Variants in RCAN3 observed in about 807,000 individuals in gnomAD.
The protein encoded by RCAN3 is calcipressin-3.
In RCAN3, 19 loss-of-function variants were observed where a neutral mutation model predicts 21.9. The observed-to-expected ratio is 0.87, with a 90% confidence interval of 0.61 to 1.27. The LOEUF (loss-of-function observed/expected upper bound fraction) is 1.27. RCAN3 is among the 50% of genes most tolerant of loss of function. The pLI is 0.00. For synonymous variants in RCAN3, 114 were observed against 112.3 expected (o/e 1.01, Z -0.09); for missense variants, 240 against 300.1 (o/e 0.80, Z 1.48).
At position 24,531,216 on chromosome 1, in the gene RCAN3, A is replaced by G; in HGVS notation, c.196-2A>G. The G allele has an allele frequency of 6.7e-7, 1 of 1,500,082 alleles. No individual in the cohort carries two copies. The highest frequency in any genetic ancestry group is 9.0e-7 in the Non-Finnish European group (1 of 1,115,978). The allele number at this position is 1,500,082 out of a possible 1,614,324, so 92.9% of individuals were successfully genotyped here. On this transcript the variant is annotated splice_acceptor_variant, in intron 2 of 4. Transcript: ENST00000374395. LOFTEE classifies it high-confidence loss of function. ...CTTTGCCTTGCTGCTCCTTAATTGT[A>G]GGAAAGATTTGAAGCACTCTTCACC...
intron 2 of RCAN3, among the ~76,000 whole-genome samples, chr1:24,530,356 C>CAAAAAAAAAAAAAAAAAAAAAAAAAAA (rs56914359): frequency 1.2e-5 from 1 of 81,498 alleles, no homozygotes; most frequent in Non-Finnish European, 2.4e-5. Context: ...CTCTTATCTC[C>CAAAAAAAAAAAAAAAAAAAAAAAAAAA]AAAAAAAAAA....
intron 1 of RCAN3, among the ~76,000 whole-genome samples, chr1:24,505,782 A>G (rs530052193): frequency 6.6e-6 from 1 of 152,312 alleles, no homozygotes; most frequent in Non-Finnish European, 1.5e-5. Context: ...AAAAGTGAAA[A>G]GTACATCTAG....
Position 24,502,891 on chromosome 1 carries a change from C to G in RCAN3, c.-319C>G, listed in dbSNP as rs1557560071. 6.7e-6 allele frequency: 1 copy of G among 150,302 alleles called. No homozygotes were observed. The highest frequency in any genetic ancestry group is 2.4e-5 in the African/African-American group (1 of 41,246). 9.3% of individuals were successfully genotyped at this position (150,302 alleles called of 1,614,324 possible). Reference sequence around the variant, plus strand: ...CGCCGGCAGCCTAGCTCAGCCGGGACACCGCCCTAGTCCCAGCCCAGGGGG... The same window carrying G: ...CGCCGGCAGCCTAGCTCAGCCGGGAGACCGCCCTAGTCCCAGCCCAGGGGG... On this transcript the variant is annotated 5_prime_UTR_variant, in exon 1 of 5. Coordinates refer to ENST00000374395, the MANE Select transcript of RCAN3 (RefSeq NM_013441.4).
At position 24,540,161 on chromosome 1, in the gene RCAN3, A is replaced by G. The variant is rs1650425796; in HGVS notation, c.*4884A>G. ...CTGTTTTCTTATTACCAAATGTACA[A>G]TCCATAAGACAACTGAAAGCAACAA... On this transcript the variant is annotated 3_prime_UTR_variant, in exon 5 of 5. Coordinates refer to ENST00000374395, the MANE Select transcript of RCAN3 (RefSeq NM_013441.4). The G allele has an allele frequency of 6.6e-6, 1 of 152,224 alleles. No individual in the cohort carries two copies. The highest frequency in any genetic ancestry group is 6.5e-5 in the Admixed American group (1 of 15,290). 9.4% of individuals were successfully genotyped at this position (152,224 alleles called of 1,614,324 possible). A position where few individuals can be genotyped will look rare whatever the true frequency, so the allele number is the denominator to read the frequency against.
At chr1:24,515,968 C>T (rs1648284676) in intron 2 of RCAN3, among the ~76,000 whole-genome samples, 1 of 152,076 alleles carries the variant, frequency 6.6e-6, no homozygotes. Flanking sequence ...CATGGTGAAA[C>T]CCCGTTTCTA....
intron 2 of RCAN3, among the ~76,000 whole-genome samples, chr1:24,523,603 TACACACACACAC>T (rs71577716): frequency 2.4e-4 from 34 of 140,846 alleles, no homozygotes; most frequent in East Asian, 1.2e-3. Context: ...TTATTTCTAA[TACACACACACAC>T]ACACACACAC....
chr1:24,519,658 C>T (rs1648635493), intron 2 of RCAN3, among the ~76,000 whole-genome samples: 1 of 152,186 alleles, frequency 6.6e-6, no homozygotes, highest in South Asian at 2.1e-4. Context: ...ATTAAGACAT[C>T]ACTACTTGTT....
chr1:24,533,477 A>C (rs1649964450), intron 4 of RCAN3, among the ~76,000 whole-genome samples: 1 of 152,148 alleles, frequency 6.6e-6, no homozygotes, highest in Admixed American at 6.5e-5. Context: ...AGCAGGGAGA[A>C]TCATATGCAC....
intron 1 of RCAN3, among the ~76,000 whole-genome samples, chr1:24,511,404 C>T (rs1191495342): frequency 6.6e-6 from 1 of 152,090 alleles, no homozygotes; most frequent in Non-Finnish European, 1.5e-5. Flanking sequence ...ATTAAGAACA[C>T]CCACGACGTG....
At chr1:24,530,356 C>CAAGAAAATAAA (rs1649654699) in intron 2 of RCAN3, among the ~76,000 whole-genome samples, 1 of 81,518 alleles carries the variant, frequency 1.2e-5, no homozygotes, top group Non-Finnish European at 2.4e-5. Context: ...CTCTTATCTC[C>CAAGAAAATAAA]AAAAAAAAAA....
intron 1 of RCAN3, chr1:24,507,446 G>T (rs196398): frequency 0.56 from 85,251 of 152,104 alleles, 25,045 homozygotes; most frequent in East Asian, 0.76. Flanking sequence ...ACTACCTGCT[G>T]TTATTCAGCC....
intron 1 of RCAN3, among the ~76,000 whole-genome samples, chr1:24,503,509 G>T (rs1647234318): frequency 6.6e-6 from 1 of 152,308 alleles, no homozygotes; most frequent in East Asian, 1.9e-4. Context: ...GTGTAGGGGC[G>T]CCTGGAAGGT....
At chr1:24,516,194 G>A (rs1031822865) in intron 2 of RCAN3, among the ~76,000 whole-genome samples, 1 of 152,168 alleles carries the variant, frequency 6.6e-6, no homozygotes, top group Non-Finnish European at 1.5e-5. Context: ...GCCAGGCGCA[G>A]TGGCTCTCGC....
In RCAN3 at chr1:24,524,949, T is replaced by C. The variant is rs1649145817; in HGVS notation, c.196-6269T>C. ...GGTTCAAGCAATTCTCGTGCATCAG[T>C]CTCCCGTCCTCCCACTCTTTAATGT... On this transcript the variant is annotated intron_variant, in intron 2 of 4. Transcript: ENST00000374395. Among the ~76,000 whole-genome samples, 3 of 151,126 alleles carry C rather than the reference T, an allele frequency of 2.0e-5. No individual in the cohort carries two copies. In the Admixed American group the frequency reaches 2.0e-4, roughly 10 times the overall value.
At chr1:24,510,797 G>A (rs1647812033) in intron 1 of RCAN3, among the ~76,000 whole-genome samples, 1 of 152,190 alleles carries the variant, frequency 6.6e-6, no homozygotes, top group Admixed American at 6.5e-5. Flanking sequence ...GGCCTCTGGG[G>A]ACGTATCTTC....
chr1:24,512,990 C>A (rs996439776), intron 1 of RCAN3, among the ~76,000 whole-genome samples: 2 of 152,172 alleles, frequency 1.3e-5, no homozygotes, highest in Non-Finnish European at 1.5e-5. Flanking sequence ...GTAATCCCAG[C>A]GCTTTAGGAG....
intron 2 of RCAN3, among the ~76,000 whole-genome samples, chr1:24,521,471 GT>G (rs1469348955): frequency 3.9e-5 from 6 of 152,138 alleles, no homozygotes; most frequent in African/African-American, 1.4e-4. Flanking sequence ...AGAAGATGCA[GT>G]AGCATCTTCA....
At chr1:24,514,681 C>T in intron 2 of RCAN3, 114 bp downstream of exon 2, 1 of 1,071,530 alleles carries the variant, frequency 9.3e-7, no homozygotes, top group Non-Finnish European at 1.3e-6. Flanking sequence ...TGTATGTCCA[C>T]TTTTAGGCCG....
rs190773962 is a variant in RCAN3, at chr1:24,504,622, G to A, written c.-60+1472G>A. ...ATTTTATATGGTGTTAGAGTTGTTG[G>A]TTGAAGGACTTAAAGCATGAAAAAT... is the stretch of plus-strand genomic sequence containing the variant. On this transcript the variant is annotated intron_variant, in intron 1 of 4. Coordinates refer to ENST00000374395, the MANE Select transcript of RCAN3 (RefSeq NM_013441.4). Among the ~76,000 whole-genome samples, 3 of 152,316 alleles carry A rather than the reference G, an allele frequency of 2.0e-5. No homozygotes were observed. In the East Asian group the frequency reaches 5.8e-4, roughly 29 times the overall value.
Sources: gnomAD v4.1 joint callset for allele counts (sites outside exome capture counted in the v4.1 genomes callset) on GRCh38, gnomAD v4.1.1 for gene constraint, MANE v1.5 for transcripts, NCBI Gene and HGNC (gene_info 2026-07-23, HGNC 2026-07-21) for gene names.